ABCA12: variants seen among roughly 807,000 people sequenced by gnomAD.
ABCA12 encodes glucosylceramide transporter ABCA12.
In ABCA12, 156 loss-of-function variants were observed where a neutral mutation model predicts 293.5. The ratio of observed to expected loss-of-function variants is 0.53; its 90% CI spans 0.47 to 0.61. The LOEUF (loss-of-function observed/expected upper bound fraction) is 0.61, where lower values mean the gene tolerates loss of function less well. ABCA12 is among the 20% of genes least tolerant of loss of function. The pLI is 0.00. For missense variants in ABCA12, 2,797 were observed against 3,090.2 expected (o/e 0.91, Z 2.25); for synonymous variants, 1,063 against 1,108.0 (o/e 0.96, Z 0.81).
At chr2:215,020,189 C>A (rs1026134208) in intron 11 of ABCA12, among the ~76,000 whole-genome samples, 1 of 151,552 alleles carries the variant, frequency 6.6e-6, no homozygotes, top group Admixed American at 6.6e-5. Flanking sequence ...TTCTTTCTCA[C>A]ACCCATTAAG....
chr2:215,016,606 A>AAAGG (rs1559148340), intron 14 of ABCA12, among the ~76,000 whole-genome samples: 1 of 136,468 alleles, frequency 7.3e-6, no homozygotes, highest in Non-Finnish European at 1.6e-5. Flanking sequence ...AAAAAAAAAA[A>AAAGG]AAAAAAAAGA....
rs1699505463 is a variant in ABCA12 at position 214,975,930 on chromosome 2, C to T, written c.5236G>A (p.Gly1746Ser). The T allele has an allele frequency of 1.2e-6, 2 of 1,613,992 alleles. No homozygotes were observed. Among genetic ancestry groups the T allele is most frequent in the South Asian group, 1.1e-5 (1 of 91,082 alleles). Residue 1746 changes from glycine (G) to serine (S), a missense_variant, in exon 34 of 53, where the codon GGT becomes AGT. By Grantham distance (56) the Gly-to-Ser change is moderately conservative. Coordinates refer to ENST00000272895, the MANE Select transcript of ABCA12 (RefSeq NM_173076.3). Reference protein sequence around the residue: ...RFHHTRRNWKGLIAQVILPIV... With the variant: ...RFHHTRRNWKSLIAQVILPIV... ...GGGAGGATAACCTGAGCAATGAGAC[C>T]TTTCCAGTTCCTGCGGGTGTGGTGG... is the stretch of plus-strand genomic sequence containing the variant.
At chr2:215,052,630 C>A (rs1260550452) in intron 4 of ABCA12, 46 bp from the exon 5 acceptor site, 2 of 1,406,766 alleles carry the variant, frequency 1.4e-6, no homozygotes, top group Non-Finnish European at 2.0e-6. Context: ...CACACACACA[C>A]AAATGCACAG....
chr2:215,045,797 G>A (rs1315514843), intron 7 of ABCA12, 40 bp downstream of exon 7: 2 of 1,573,596 alleles, frequency 1.3e-6, no homozygotes, highest in Admixed American at 3.4e-5. Context: ...ACACTTCTTT[G>A]TGAACACTAA....
intron 1 of ABCA12, among the ~76,000 whole-genome samples, chr2:215,130,204 G>T (rs150852649): frequency 6.6e-6 from 1 of 150,794 alleles, no homozygotes; most frequent in Non-Finnish European, 1.5e-5. Flanking sequence ...TTGGCTATTC[G>T]GGCTTTCTCT....
intron 7 of ABCA12, among the ~76,000 whole-genome samples, chr2:215,043,953 G>T (rs1701153013): frequency 6.6e-6 from 1 of 151,930 alleles, no homozygotes; most frequent in African/African-American, 2.4e-5. Flanking sequence ...TGATGTTTTT[G>T]CCAGCATAAT....
chr2:214,967,791 G>T (rs1699297543), intron 38 of ABCA12, among the ~76,000 whole-genome samples: 1 of 152,144 alleles, frequency 6.6e-6, no homozygotes. Flanking sequence ...GATACTCGTG[G>T]TTGGCACATA....
chr2:214,983,932 T>C (rs1349693662), intron 28 of ABCA12, 67 bp from the exon 29 acceptor site: 4 of 1,415,960 alleles, frequency 2.8e-6, no homozygotes, highest in African/African-American at 2.8e-5. Flanking sequence ...GGAATAACTA[T>C]ATCTCAGTTG....
chr2:214,983,337 G>A (rs1212042871), intron 29 of ABCA12, among the ~76,000 whole-genome samples: 1 of 152,106 alleles, frequency 6.6e-6, no homozygotes, highest in Non-Finnish European at 1.5e-5. Context: ...GATTTCACAA[G>A]AGATGAGTGA....
At chr2:214,989,779 G>T (rs1699875256) in intron 24 of ABCA12, among the ~76,000 whole-genome samples, 158 bp from the exon 25 acceptor site, 1 of 152,146 alleles carries the variant, frequency 6.6e-6, no homozygotes, top group South Asian at 2.1e-4. Context: ...TACCAACCAT[G>T]CTACAACTGT....
At position 215,054,663 on chromosome 2, in the gene ABCA12, C is replaced by G; in HGVS notation, c.319G>C (p.Glu107Gln). Residue 107 changes from glutamate (E) to glutamine (Q), a missense_variant and splice_region_variant, in exon 4 of 53, where the codon GAG becomes CAG. Glu to Gln is a conservative substitution (Grantham distance 29, BLOSUM62 2). This residue lies in a region of ABCA12 where 656 missense variants were observed against 638.2 expected (regional missense o/e 1.03). Coordinates refer to ENST00000272895, the MANE Select transcript of ABCA12 (RefSeq NM_173076.3). ...GIDDALFKDS[E>Q]ILRKSSNLDK... is the part of the protein sequence containing the mutation. ...AGGTTGGATGACTTTCTCAGAATCT[C>G]ACTAGAGAAGAAAAAGCAAGAACTC... 1 of 1,610,272 alleles carries G rather than the reference C, an allele frequency of 6.2e-7. No individual in the cohort carries two copies. The highest frequency in any genetic ancestry group is 8.5e-7 in the Non-Finnish European group (1 of 1,177,122).
At chr2:215,070,413 G>T (rs1360665768) in intron 2 of ABCA12, among the ~76,000 whole-genome samples, 34 of 151,462 alleles carry the variant, frequency 2.2e-4, no homozygotes, top group Admixed American at 2.2e-3. Context: ...TATACTTTAA[G>T]TTTTAGGGTA....
intron 29 of ABCA12, among the ~76,000 whole-genome samples, chr2:214,983,145 G>A (rs935057859): frequency 6.6e-6 from 1 of 152,152 alleles, no homozygotes; most frequent in Non-Finnish European, 1.5e-5. Flanking sequence ...GAGGTGAGTG[G>A]AAGGACATGA....
At chr2:214,999,948 G>GC (rs1700106654) in intron 22 of ABCA12, 1 of 365,532 alleles carries the variant, frequency 2.7e-6, no homozygotes. Context: ...TAACTGGGTT[G>GC]CGTAGCATGT....
chr2:214,959,203 CT>C (rs76735638), intron 39 of ABCA12, 125 bp from the exon 40 acceptor site: 6,320 of 700,450 alleles, frequency 9.0e-3, no homozygotes, highest in South Asian at 0.011. Context: ...TTTGGGGGAC[CT>C]TTTTTTTTTA....
chr2:215,051,611 TGTGTG>T (rs1701322399), intron 5 of ABCA12, among the ~76,000 whole-genome samples: 4 of 113,574 alleles, frequency 3.5e-5, no homozygotes, highest in African/African-American at 3.4e-4. Context: ...AAAACGCTAG[TGTGTG>T]TGTGTGTGTG....
At chr2:215,009,302 C>T (rs1700321554) in intron 18 of ABCA12, among the ~76,000 whole-genome samples, 2 of 151,912 alleles carry the variant, frequency 1.3e-5, no homozygotes, top group Admixed American at 6.6e-5. Flanking sequence ...GAGAGGGGAA[C>T]AGAAGGGTGG....
chr2:214,973,875 T>C (rs942984505), intron 36 of ABCA12, 74 bp downstream of exon 36: 10 of 1,273,752 alleles, frequency 7.9e-6, no homozygotes, highest in Non-Finnish European at 1.1e-5. Flanking sequence ...TTTGGTAACC[T>C]AGAGAGATCT....
chr2:215,041,177 A>G (rs1376076777), intron 7 of ABCA12, among the ~76,000 whole-genome samples: 10 of 152,252 alleles, frequency 6.6e-5, no homozygotes, highest in Admixed American at 6.5e-4. Context: ...TGCCATAAAT[A>G]TATACAATTT....
Sources: gnomAD v4.1 joint callset for allele counts (sites outside exome capture counted in the v4.1 genomes callset) on GRCh38, gnomAD v4.1.1 for gene constraint, gnomAD v4.1.1 regional missense constraint, MANE v1.5 for transcripts, NCBI Gene and HGNC (gene_info 2026-07-23, HGNC 2026-07-21) for gene names.